The following KLHL1 variants were observed in gnomAD, a reference collection of about 807,000 sequenced individuals.
KLHL1 encodes kelch-like protein 1.
KLHL1 carries 47 observed loss-of-function variants against 77.7 expected under a neutral mutation model. The observed-to-expected ratio is 0.60, with a 90% CI of 0.48 to 0.77. KLHL1 has a LOEUF of 0.77. KLHL1 is among the 30% of genes least tolerant of loss of function. The pLI is 0.00. For missense variants in KLHL1, 925 were observed against 910.8 expected (o/e 1.02, Z -0.20); for synonymous variants, 360 against 325.2 (o/e 1.11, Z -1.15).
At chr13:69,934,962 GTATA>G (rs67195697) in intron 4 of KLHL1, among the ~76,000 whole-genome samples, 2,822 of 129,720 alleles carry the variant, frequency 0.022, 46 homozygotes, top group East Asian at 0.066. Flanking sequence ...GTGTGCATGT[GTATA>G]TATATATATA....
At chr13:69,912,587 T>C (rs1882274699) in intron 4 of KLHL1, among the ~76,000 whole-genome samples, 1 of 152,170 alleles carries the variant, frequency 6.6e-6, no homozygotes, top group Non-Finnish European at 1.5e-5. Context: ...TCCTGACTGA[T>C]TTCCCCACAT....
chr13:69,861,748 G>C (rs1212630644), intron 5 of KLHL1, among the ~76,000 whole-genome samples: 2 of 128,416 alleles, frequency 1.6e-5, no homozygotes, highest in Non-Finnish European at 3.1e-5. Context: ...GGGAGTTCGA[G>C]ATCAGCCTGA....
rs1426613743 is a variant in KLHL1, at chr13:69,996,598, C to T, written c.498-20796G>A. Among the ~76,000 whole-genome samples the T allele has an allele frequency of 2.0e-5, 3 of 152,096 alleles. No individual in the cohort carries two copies. In the East Asian group the frequency reaches 5.8e-4, roughly 29 times the overall value. ...AGGGGAATCTAAACTTGTTTATGTTCTGCTAAAGGGGAGAAAAGCTTCACT... is the reference window on the plus strand; with the variant it reads ...AGGGGAATCTAAACTTGTTTATGTTTTGCTAAAGGGGAGAAAAGCTTCACT... On this transcript the variant is annotated intron_variant, in intron 1 of 10. Transcript: ENST00000377844.
At chr13:69,976,043 T>G (rs184673410) in intron 1 of KLHL1, among the ~76,000 whole-genome samples, 1 of 152,226 alleles carries the variant, frequency 6.6e-6, no homozygotes, top group Admixed American at 6.6e-5. Context: ...GGTTTAAAAA[T>G]ATGTTGTCTG....
At chr13:69,777,131 C>A (rs1480087350) in intron 7 of KLHL1, among the ~76,000 whole-genome samples, 3 of 152,064 alleles carry the variant, frequency 2.0e-5, no homozygotes, top group Admixed American at 2.0e-4. Context: ...AGGGCAGTTT[C>A]CCTGCACATG....
At chr13:69,823,836 T>C (rs57028630) in intron 6 of KLHL1, among the ~76,000 whole-genome samples, 309 of 152,118 alleles carry the variant, frequency 2.0e-3, no homozygotes, top group African/African-American at 7.0e-3. Flanking sequence ...CTCTCTCTTA[T>C]GGTTGGATTC....
intron 7 of KLHL1, among the ~76,000 whole-genome samples, chr13:69,788,696 T>C (rs1267498131): frequency 6.6e-6 from 1 of 152,044 alleles, no homozygotes; most frequent in Non-Finnish European, 1.5e-5. Flanking sequence ...TATGTATATC[T>C]TAACTCATAG....
Position 69,790,960 on chromosome 13 carries a change from A to G in KLHL1, c.1639+5778T>C, listed in dbSNP as rs1251713861. On this transcript the variant is annotated intron_variant, in intron 7 of 10. Transcript: ENST00000377844. ...GGACCTTTCTCAGCCTGATAAAAAC[A>G]TCTATTTTTAAAAAAGGAGAAACAT... 5.3e-5 allele frequency among the ~76,000 whole-genome samples: 8 copies of G among 152,270 alleles called. No homozygotes were observed. In the East Asian group the frequency reaches 1.4e-3, roughly 26 times the overall value.
At chr13:69,976,683 C>T (rs1884553808) in intron 1 of KLHL1, among the ~76,000 whole-genome samples, 1 of 151,960 alleles carries the variant, frequency 6.6e-6, no homozygotes, top group Admixed American at 6.6e-5. Context: ...TGATAAATAT[C>T]TTAGAAAGTA....
At chr13:70,083,188 A>G (rs539738032) in intron 1 of KLHL1, among the ~76,000 whole-genome samples, 2 of 152,332 alleles carry the variant, frequency 1.3e-5, no homozygotes, top group African/African-American at 2.4e-5. Context: ...ACTGCTAAGC[A>G]CAAAAATGAA....
chr13:69,961,439 A>G lies in KLHL1; in HGVS notation c.686T>C (p.Val229Ala). Reference protein sequence around the residue: ...GNRKIPAHRLVLSSVSDYFAA... With the variant: ...GNRKIPAHRLALSSVSDYFAA... ...AAAATAGTCGGAGACTGAACTCAGAACAAGCCTGAAAGAGTCACAGGTTCT... is the reference window on the plus strand; with the variant it reads ...AAAATAGTCGGAGACTGAACTCAGAGCAAGCCTGAAAGAGTCACAGGTTCT... The change falls in exon 3 of 11, where the codon GTT becomes GCT. Residue 229 changes from valine to alanine, a missense_variant. Val to Ala is a moderately conservative substitution (Grantham distance 64). Coordinates refer to ENST00000377844, the MANE Select transcript of KLHL1 (RefSeq NM_020866.3). The G allele has an allele frequency of 6.2e-7, 1 of 1,612,716 alleles. No individual in the cohort carries two copies. The highest frequency in any genetic ancestry group is 8.5e-7 in the Non-Finnish European group (1 of 1,179,208).
At chr13:69,896,840 T>A (rs1881662669) in intron 4 of KLHL1, among the ~76,000 whole-genome samples, 1 of 151,762 alleles carries the variant, frequency 6.6e-6, no homozygotes, top group Non-Finnish European at 1.5e-5. Context: ...CCTGGCTAAT[T>A]TTTGTATTTT....
At position 70,075,569 on chromosome 13, in the gene KLHL1, G is replaced by GTATATATATATA. The variant is rs1555295388; in HGVS notation, c.497+31622_497+31633dup. On this transcript the variant is annotated intron_variant, in intron 1 of 10. Coordinates refer to ENST00000377844, the MANE Select transcript of KLHL1 (RefSeq NM_020866.3). ...TATATATACCTGTGTGTGTGTATGTGTATATATATATATATATATACACAC... is the reference window on the plus strand; with the variant it reads ...TATATATACCTGTGTGTGTGTATGTGTATATATATATATATATATATATATATATATACACAC... Among the ~76,000 whole-genome samples, 645 of 106,570 alleles carry GTATATATATATA rather than the reference G, an allele frequency of 6.1e-3. 3 individuals are homozygous for GTATATATATATA. Among genetic ancestry groups the GTATATATATATA allele is most frequent in the African/African-American group, 0.012 (319 of 27,298 alleles). The allele number at this position is 106,570 out of a possible 152,430, so 69.9% of individuals were successfully genotyped here.
chr13:69,874,156 C>G (rs1310589738), intron 5 of KLHL1, among the ~76,000 whole-genome samples: 3 of 152,034 alleles, frequency 2.0e-5, no homozygotes, highest in South Asian at 4.1e-4. Flanking sequence ...TAAAAATTAT[C>G]TCTAGACTAT....
intron 1 of KLHL1, among the ~76,000 whole-genome samples, chr13:69,998,550 TA>T (rs1182141671): frequency 3.9e-5 from 6 of 152,116 alleles, no homozygotes; most frequent in African/African-American, 1.4e-4. Context: ...TGAACAGGTC[TA>T]GAAGTAAATC....
At chr13:69,962,626 A>G (rs1014180050) in intron 2 of KLHL1, among the ~76,000 whole-genome samples, 2 of 152,058 alleles carry the variant, frequency 1.3e-5, no homozygotes, top group African/African-American at 4.8e-5. Flanking sequence ...CTAATTTTGC[A>G]AACAATTTTT....
At chr13:69,807,565 C>A (rs1363809741) in intron 6 of KLHL1, among the ~76,000 whole-genome samples, 1 of 152,114 alleles carries the variant, frequency 6.6e-6, no homozygotes, top group African/African-American at 2.4e-5. Flanking sequence ...CTGAGAGGGG[C>A]CCCACTCTCT....
chr13:70,055,896 A>G (rs2137398062), intron 1 of KLHL1, among the ~76,000 whole-genome samples: 1 of 152,230 alleles, frequency 6.6e-6, no homozygotes, highest in South Asian at 2.1e-4. Flanking sequence ...GAAGACAGAA[A>G]GAAAGGGGGA....
intron 1 of KLHL1, among the ~76,000 whole-genome samples, chr13:70,082,320 C>T (rs1887413011): frequency 1.3e-5 from 1 of 75,240 alleles, no homozygotes. Flanking sequence ...GTCACACACA[C>T]ACACACACAC....
Sources: gnomAD v4.1 joint callset for allele counts (sites outside exome capture counted in the v4.1 genomes callset) on GRCh38, gnomAD v4.1.1 for gene constraint, MANE v1.5 for transcripts, NCBI Gene and HGNC (gene_info 2026-07-23, HGNC 2026-07-21) for gene names.